Variants in STK32B observed in about 807,000 individuals in gnomAD.
The protein encoded by STK32B is serine/threonine kinase 32B, also known as serine/threonine-protein kinase 32B.
A neutral mutation model predicts 52.6 loss-of-function variants in STK32B; 43 were observed. The ratio of observed to expected loss-of-function variants is 0.82; its 90% confidence interval spans 0.64 to 1.05. The LOEUF (loss-of-function observed/expected upper bound fraction) is 1.05, where lower values mean the gene tolerates loss of function less well. Ranked by LOEUF, STK32B falls within the 50% of genes least tolerant of loss-of-function variation. The pLI, the probability that STK32B is intolerant of heterozygous loss-of-function variation, is 0.00. For synonymous variants in STK32B, 238 were observed against 204.3 expected (o/e 1.17, Z -1.41); for missense variants, 621 against 534.6 (o/e 1.16, Z -1.59).
chr4:5,147,283 A>G (rs76734661), intron 2 of STK32B, among the ~76,000 whole-genome samples: 5,914 of 152,178 alleles, frequency 0.039, 285 homozygotes, highest in African/African-American at 0.1. Context: ...TTGTATCTTA[A>G]TCTCACACCC....
intron 3 of STK32B, among the ~76,000 whole-genome samples, chr4:5,326,029 T>C (rs1179630677): frequency 6.6e-6 from 1 of 152,186 alleles, no homozygotes. Flanking sequence ...AATTATTGCT[T>C]AAAATATTGT....
intron 9 of STK32B, among the ~76,000 whole-genome samples, chr4:5,463,765 C>T (rs187164143): frequency 2.6e-5 from 4 of 152,284 alleles, no homozygotes; most frequent in African/African-American, 9.6e-5. Flanking sequence ...TAGCTGGAAC[C>T]TTGCACAGGC....
chr4:5,256,768 C>G (rs1353154077), intron 3 of STK32B, among the ~76,000 whole-genome samples: 1 of 152,204 alleles, frequency 6.6e-6, no homozygotes, highest in African/African-American at 2.4e-5. Context: ...ACAAGATGGA[C>G]TAGGCTTCTT....
intron 1 of STK32B, among the ~76,000 whole-genome samples, chr4:5,109,927 A>G (rs977521340): frequency 6.6e-6 from 1 of 152,198 alleles, no homozygotes; most frequent in East Asian, 1.9e-4. Context: ...GTCTCAGGAT[A>G]CAAAATTAAT....
intron 3 of STK32B, among the ~76,000 whole-genome samples, chr4:5,315,602 T>C (rs1442556160): frequency 6.6e-6 from 1 of 152,004 alleles, no homozygotes; most frequent in African/African-American, 2.4e-5. Context: ...GTACTAATTA[T>C]TAATACCTCT....
chr4:5,042,805 C>G, the STK32B span, among the ~76,000 whole-genome samples: 1 of 152,212 alleles, frequency 6.6e-6, no homozygotes, highest in East Asian at 1.9e-4. Flanking sequence ...AGCTCCTAGG[C>G]TACAAACCTG....
At chr4:5,365,907 G>A (rs1232877648) in intron 4 of STK32B, among the ~76,000 whole-genome samples, 1 of 152,156 alleles carries the variant, frequency 6.6e-6, no homozygotes, top group African/African-American at 2.4e-5. Context: ...GCGTGAGAAA[G>A]GACTTGATTT....
intron 2 of STK32B, among the ~76,000 whole-genome samples, chr4:5,158,866 C>T (rs1029895536): frequency 2.0e-5 from 3 of 152,168 alleles, no homozygotes; most frequent in Non-Finnish European, 2.9e-5. Flanking sequence ...TCTTTAAAGC[C>T]TCCATGTCCA....
intron 3 of STK32B, among the ~76,000 whole-genome samples, chr4:5,246,804 C>T (rs961305077): frequency 2.7e-4 from 41 of 152,196 alleles, no homozygotes; most frequent in Non-Finnish European, 4.1e-4. Context: ...CAGGACCCTC[C>T]ACTGCAGGTC....
At chr4:5,248,446 A>G (rs1725622800) in intron 3 of STK32B, among the ~76,000 whole-genome samples, 1 of 152,210 alleles carries the variant, frequency 6.6e-6, no homozygotes, top group South Asian at 2.1e-4. Context: ...TAAGAAAGAA[A>G]CACGTATTTC....
chr4:5,029,231 T>G, the STK32B span, among the ~76,000 whole-genome samples: 5 of 152,296 alleles, frequency 3.3e-5, no homozygotes, highest in South Asian at 1.0e-3. Context: ...ATGAATAGGA[T>G]GAGATCTCTC....
intron 1 of STK32B, among the ~76,000 whole-genome samples, chr4:5,097,279 A>G (rs1397331920): frequency 1.3e-5 from 2 of 152,210 alleles, no homozygotes; most frequent in Non-Finnish European, 2.9e-5. Flanking sequence ...GAATGAATGA[A>G]TGATACACTT....
chr4:5,429,882 T>TA (rs1348764345), intron 6 of STK32B, among the ~76,000 whole-genome samples: 3 of 152,268 alleles, frequency 2.0e-5, no homozygotes, highest in South Asian at 2.1e-4. Flanking sequence ...TTTTTTTCCT[T>TA]AGTCACTTAA....
At chr4:5,446,842 C>A in intron 7 of STK32B, 66 bp downstream of exon 7, 1 of 1,529,196 alleles carries the variant, frequency 6.5e-7, no homozygotes, top group Non-Finnish European at 9.0e-7. Flanking sequence ...TGTACCTGGA[C>A]GGGCAGAGTC....
intron 1 of STK32B, among the ~76,000 whole-genome samples, chr4:5,093,568 G>A (rs1447530825): frequency 6.6e-6 from 1 of 152,118 alleles, no homozygotes; most frequent in East Asian, 1.9e-4. Flanking sequence ...GTTGTGAGGT[G>A]GGGGAAGGGG....
At chr4:5,359,378 ACCCTCCCTCCCTCCCTCCCT>A (rs200711622) in intron 4 of STK32B, among the ~76,000 whole-genome samples, 1 of 123,084 alleles carries the variant, frequency 8.1e-6, no homozygotes, top group African/African-American at 3.4e-5. Context: ...CACTCATCCA[ACCCTCCCTCCCTCCCTCCCT>A]CCCTCCCTCC....
intron 4 of STK32B, among the ~76,000 whole-genome samples, chr4:5,347,865 A>G (rs1025745142): frequency 6.6e-6 from 1 of 152,178 alleles, no homozygotes; most frequent in African/African-American, 2.4e-5. Context: ...TAAGTTTCCT[A>G]AGTCCTCCCC....
chr4:5,382,881 C>T (rs1469222243), intron 4 of STK32B, among the ~76,000 whole-genome samples: 1 of 152,158 alleles, frequency 6.6e-6, no homozygotes, highest in Admixed American at 6.5e-5. Context: ...AGGTCAGGAA[C>T]CTGGGGCTAT....
At chr4:5,496,683 C>T (rs1413855349) in intron 11 of STK32B, among the ~76,000 whole-genome samples, 6 of 152,246 alleles carry the variant, frequency 3.9e-5, no homozygotes, top group African/African-American at 7.2e-5. Context: ...TGTTCCTTTT[C>T]GGCCATCTTG....
Sources: allele counts gnomAD v4.1 joint callset (sites outside exome capture counted in the v4.1 genomes callset), GRCh38; gene constraint gnomAD v4.1.1; transcripts MANE v1.5; gene names NCBI Gene and HGNC (gene_info 2026-07-23, HGNC 2026-07-21).